Variants in NELL1 observed in about 807,000 individuals in gnomAD.
NELL1 encodes the protein neural EGFL like 1.
A neutral mutation model predicts 107.4 loss-of-function variants in NELL1; 76 were observed. The ratio of observed to expected loss-of-function variants is 0.71; its 90% confidence interval spans 0.59 to 0.86. NELL1 has a LOEUF of 0.86. NELL1 is among the 40% of genes least tolerant of loss of function. The pLI is 0.00. For missense variants in NELL1, 1,024 were observed against 1,005.5 expected, an observed-to-expected ratio of 1.02 and a Z score of -0.25; for synonymous variants, 353 against 341.2, an observed-to-expected ratio of 1.03 and a Z score of -0.38.
chr11:20,833,789 G>A (rs1041053144), intron 3 of NELL1, among the ~76,000 whole-genome samples: 1 of 152,164 alleles, frequency 6.6e-6, no homozygotes, highest in African/African-American at 2.4e-5. Flanking sequence ...TGGGATAAGA[G>A]CCTTCCAGGT....
At chr11:20,778,881 T>C (rs1239974950) in intron 2 of NELL1, among the ~76,000 whole-genome samples, 1 of 152,174 alleles carries the variant, frequency 6.6e-6, no homozygotes, top group African/African-American at 2.4e-5. Context: ...TTAACACATG[T>C]AGGATTGAGT....
At chr11:21,439,084 A>T (rs1407152555) in intron 15 of NELL1, among the ~76,000 whole-genome samples, 1 of 151,748 alleles carries the variant, frequency 6.6e-6, no homozygotes, top group East Asian at 2.0e-4. Flanking sequence ...GGTGTGACAT[A>T]AAAGGTGAAG....
chr11:21,356,768 A>C (rs1850943211), intron 14 of NELL1, among the ~76,000 whole-genome samples: 1 of 152,164 alleles, frequency 6.6e-6, no homozygotes, highest in Non-Finnish European at 1.5e-5. Flanking sequence ...AGCAGTGTAC[A>C]CTTTACCCAA....
chr11:21,399,933 G>A (rs1210003904), intron 15 of NELL1, among the ~76,000 whole-genome samples: 5 of 151,812 alleles, frequency 3.3e-5, no homozygotes, highest in Admixed American at 3.3e-4. Flanking sequence ...TGGGAAAGTC[G>A]ATTTTTCCTC....
intron 16 of NELL1, among the ~76,000 whole-genome samples, chr11:21,538,557 GAA>G (rs1856203912): frequency 1.3e-5 from 2 of 152,030 alleles, no homozygotes; most frequent in Non-Finnish European, 2.9e-5. Context: ...AATGCCAGGA[GAA>G]AATAGTACAC....
intron 15 of NELL1, among the ~76,000 whole-genome samples, chr11:21,458,568 GGA>G (rs1853810137): frequency 6.6e-6 from 1 of 152,034 alleles, no homozygotes; most frequent in South Asian, 2.1e-4. Flanking sequence ...TCAAATTATT[GGA>G]GAAAATGTTC....
chr11:21,136,984 G>A (rs1364004735), intron 13 of NELL1, among the ~76,000 whole-genome samples: 1 of 152,194 alleles, frequency 6.6e-6, no homozygotes, highest in Non-Finnish European at 1.5e-5. Context: ...CTGTATTAAT[G>A]TAGACCAATT....
intron 13 of NELL1, among the ~76,000 whole-genome samples, chr11:21,197,143 C>G (rs1590724267): frequency 6.6e-6 from 1 of 151,792 alleles, no homozygotes; most frequent in Admixed American, 6.6e-5. Flanking sequence ...TCCCAAAGTG[C>G]TGGGATTACA....
chr11:20,878,201 A>T (rs930966124), intron 4 of NELL1, among the ~76,000 whole-genome samples: 18 of 151,846 alleles, frequency 1.2e-4, no homozygotes, highest in African/African-American at 4.1e-4. Context: ...TCTACTAAAA[A>T]TACAAAAAAT....
At chr11:21,318,448 A>C (rs530074302) in intron 14 of NELL1, among the ~76,000 whole-genome samples, 1 of 152,254 alleles carries the variant, frequency 6.6e-6, no homozygotes, top group South Asian at 2.1e-4. Flanking sequence ...ATCTTTCCAA[A>C]GTTGCTACCT....
intron 15 of NELL1, among the ~76,000 whole-genome samples, chr11:21,446,534 T>C (rs1401414058): frequency 6.6e-6 from 1 of 152,208 alleles, no homozygotes; most frequent in African/African-American, 2.4e-5. Context: ...ATCTAAGTTT[T>C]TTGTCAATGT....
chr11:21,491,359 TG>T (rs1407873685), intron 15 of NELL1, among the ~76,000 whole-genome samples: 9 of 152,188 alleles, frequency 5.9e-5, no homozygotes, highest in African/African-American at 2.2e-4. Context: ...TAATCCATCT[TG>T]AATTAATTTT....
intron 2 of NELL1, among the ~76,000 whole-genome samples, chr11:20,697,587 G>A (rs1221765013): frequency 6.6e-6 from 1 of 152,094 alleles, no homozygotes; most frequent in African/African-American, 2.4e-5. Flanking sequence ...TAGGCTTTGA[G>A]CTACATGTTG....
chr11:21,566,705 T>C (rs1331006374), intron 17 of NELL1, among the ~76,000 whole-genome samples: 1 of 150,124 alleles, frequency 6.7e-6, no homozygotes, highest in Non-Finnish European at 1.5e-5. Flanking sequence ...GGATTACTTA[T>C]CATCAGTGAG....
At chr11:21,249,445 G>A (rs1432786050) in intron 14 of NELL1, among the ~76,000 whole-genome samples, 7 of 142,774 alleles carry the variant, frequency 4.9e-5, no homozygotes, top group East Asian at 2.1e-4. Context: ...TTTCATATTT[G>A]ATAGCAGCTT....
chr11:21,060,052 T>C (rs1166340341), intron 12 of NELL1, among the ~76,000 whole-genome samples: 2 of 152,082 alleles, frequency 1.3e-5, no homozygotes, highest in Non-Finnish European at 2.9e-5. Flanking sequence ...ATGAACCACA[T>C]GGGGTTAGGC....
At chr11:20,703,419 C>T (rs1473234040) in intron 2 of NELL1, among the ~76,000 whole-genome samples, 1 of 152,084 alleles carries the variant, frequency 6.6e-6, no homozygotes, top group Non-Finnish European at 1.5e-5. Flanking sequence ...TGCTAGCAGT[C>T]TATGAATTTT....
At chr11:21,161,944 C>CTTTGT (rs1856380184) in intron 13 of NELL1, among the ~76,000 whole-genome samples, 1 of 83,062 alleles carries the variant, frequency 1.2e-5, no homozygotes, top group Non-Finnish European at 2.1e-5. Flanking sequence ...GGAACATAAT[C>CTTTGT]TTTTTTTTTT....
intron 12 of NELL1, among the ~76,000 whole-genome samples, chr11:21,025,689 A>T (rs1201988816): frequency 6.6e-6 from 1 of 152,070 alleles, no homozygotes; most frequent in Admixed American, 6.6e-5. Flanking sequence ...CTGTGGTTTT[A>T]GATAGCATCT....
Sources: gnomAD v4.1 joint callset for allele counts (sites outside exome capture counted in the v4.1 genomes callset) on GRCh38, gnomAD v4.1.1 for gene constraint, MANE v1.5 for transcripts, NCBI Gene and HGNC (gene_info 2026-07-23, HGNC 2026-07-21) for gene names.